The following MPV17 variants were observed in gnomAD, a reference collection of about 807,000 sequenced individuals.
The protein encoded by MPV17 is MPV17, mitochondrial inner membrane protein.
Under a neutral mutation model 28.6 loss-of-function variants are expected in MPV17, and 31 were observed. The observed-to-expected ratio is 1.08, with a 90% CI of 0.81 to 1.46. The LOEUF (loss-of-function observed/expected upper bound fraction) is 1.46. Ranked by LOEUF, MPV17 falls within the 40% of genes most tolerant of loss-of-function variation. The pLI is 0.00. For missense variants in MPV17, 198 were observed against 216.2 expected (o/e 0.92, Z 0.53); for synonymous variants, 87 against 85.3 (o/e 1.02, Z -0.11).
At chr2:27,322,117 G>A (rs551511454) in intron 2 of MPV17, 12 of 393,312 alleles carry the variant, frequency 3.1e-5, no homozygotes, top group East Asian at 1.0e-4. Context: ...ATGCCATAAC[G>A]TATATGAAAG....
intron 1 of MPV17, 113 bp from the exon 2 acceptor site, chr2:27,322,635 T>G: frequency 1.2e-6 from 1 of 850,680 alleles, no homozygotes; most frequent in South Asian, 1.4e-5. Flanking sequence ...CAATGTGACT[T>G]AAAGGGGCAG....
At chr2:27,312,375 C>CT in intron 5 of MPV17, 119 bp downstream of exon 5, 1 of 1,416,884 alleles carries the variant, frequency 7.1e-7, no homozygotes, top group African/African-American at 1.4e-5. Flanking sequence ...AGCTCCTCTC[C>CT]TCCATGGCCT....
At chr2:27,316,162 G>C (rs140901794) in intron 2 of MPV17, 2 of 1,551,134 alleles carry the variant, frequency 1.3e-6, no homozygotes, top group Admixed American at 3.9e-5. Flanking sequence ...TTGTCACCTC[G>C]TGGGGATGGC....
chr2:27,311,864 T>G (rs1182122797), intron 7 of MPV17, 35 bp downstream of exon 7: 1 of 1,611,358 alleles, frequency 6.2e-7, no homozygotes. Flanking sequence ...GTAACGTGGG[T>G]CTTCCTTGAT....
intron 2 of MPV17, chr2:27,313,378 CAGAA>C (rs1437626265): frequency 4.5e-6 from 3 of 662,308 alleles, no homozygotes; most frequent in Non-Finnish European, 7.6e-6. Flanking sequence ...AAGTCAGAGT[CAGAA>C]AGTATAGAGA....
intron 2 of MPV17, among the ~76,000 whole-genome samples, chr2:27,321,219 G>A (rs1679848044): frequency 6.6e-6 from 1 of 152,192 alleles, no homozygotes; most frequent in East Asian, 1.9e-4. Flanking sequence ...CTGGGCAAAG[G>A]GCCCAGCGTG....
chr2:27,319,653 A>C (rs559666949), intron 2 of MPV17, among the ~76,000 whole-genome samples: 4 of 151,648 alleles, frequency 2.6e-5, no homozygotes, highest in Non-Finnish European at 5.9e-5. Context: ...GGTGGGGCCT[A>C]CTGGATCACA....
At chr2:27,310,948 T>C (rs757773036) in intron 7 of MPV17, 2 of 151,380 alleles carry the variant, frequency 1.3e-5, no homozygotes, top group Non-Finnish European at 2.9e-5. Flanking sequence ...TTTCAACATA[T>C]TGGCCAGGCT....
At position 27,317,015 on chromosome 2, in the gene MPV17, A is replaced by T. The variant is rs1447239506; in HGVS notation, c.71-3906T>A. 6.9e-7 allele frequency: 1 copy of T among 1,442,972 alleles called. No homozygotes were observed. The highest frequency in any genetic ancestry group is 9.3e-7 in the Non-Finnish European group (1 of 1,073,376). The allele number at this position is 1,442,972 out of a possible 1,614,324, so 89.4% of individuals were successfully genotyped here. ...CTAGTGGAAAAGCCCCAACTTCCAC[A>T]CCCTCTTCCCGGGCATGGGCAGGGT... On this transcript the variant is annotated intron_variant, in intron 2 of 7. Transcript: ENST00000380044. The surrounding 1 kb of genome is among the most constrained non-coding windows in gnomAD (Gnocchi z 4.0).
At chr2:27,316,974 G>A (rs1410615286) in intron 2 of MPV17, 7 of 1,133,702 alleles carry the variant, frequency 6.2e-6, no homozygotes, top group Non-Finnish European at 7.5e-6. Context: ...ATCAATTTGG[G>A]ACCACTTCCT....
chr2:27,322,301 C>T, intron 2 of MPV17, 147 bp downstream of exon 2: 1 of 783,350 alleles, frequency 1.3e-6, no homozygotes, highest in Non-Finnish European at 2.2e-6. Flanking sequence ...CCCTCCAAAA[C>T]AGACTGGGGA....
At chr2:27,321,261 T>C (rs1679849593) in intron 2 of MPV17, among the ~76,000 whole-genome samples, 1 of 152,206 alleles carries the variant, frequency 6.6e-6, no homozygotes, top group South Asian at 2.1e-4. Flanking sequence ...CTGTCCAGCA[T>C]GAGTCACCAC....
chr2:27,322,929 G>A (rs1175088897), intron 1 of MPV17, 123 bp downstream of exon 1: 2 of 291,178 alleles, frequency 6.9e-6, no homozygotes, highest in Non-Finnish European at 1.3e-5. Flanking sequence ...TAACCTTCCT[G>A]AGTCCAGCTC....
chr2:27,316,320 C>T, intron 2 of MPV17: 1 of 1,089,022 alleles, frequency 9.2e-7, no homozygotes, highest in Non-Finnish European at 1.3e-6. Flanking sequence ...AAGCCTGCAG[C>T]CTTGGAGAAA....
In MPV17 at chr2:27,311,601, C is replaced by T. The variant is rs747604257; in HGVS notation, c.461+298G>A. The T allele has an allele frequency of 8.0e-5, 124 of 1,550,464 alleles. 1 individual carries two copies. In the South Asian group the frequency reaches 1.4e-3, roughly 18 times the overall value. On this transcript the variant is annotated intron_variant, in intron 7 of 7. Coordinates refer to ENST00000380044, the MANE Select transcript of MPV17 (RefSeq NM_002437.5). ...CTAACCTAGGCTGCAGCACCCCAGC[C>T]ACTGTCCCTCCAGATATGCCATCAA...
chr2:27,316,638 A>T (rs533215584), intron 2 of MPV17, among the ~76,000 whole-genome samples: 5 of 152,314 alleles, frequency 3.3e-5, no homozygotes, highest in African/African-American at 1.2e-4. Context: ...CCAGAGCCCA[A>T]ATAGACCCAA....
chr2:27,314,431 T>C (rs953268626), intron 2 of MPV17, among the ~76,000 whole-genome samples: 1 of 152,180 alleles, frequency 6.6e-6, no homozygotes, highest in African/African-American at 2.4e-5. Context: ...GGCCACCTCT[T>C]AGCACAATCA....
rs1679679718 is a variant in MPV17 at position 27,317,020 on chromosome 2, C to G, written c.71-3911G>C. Reference sequence around the variant, plus strand: ...GGAAAAGCCCCAACTTCCACACCCTCTTCCCGGGCATGGGCAGGGTAAATT... The same window carrying G: ...GGAAAAGCCCCAACTTCCACACCCTGTTCCCGGGCATGGGCAGGGTAAATT... On this transcript the variant is annotated intron_variant, in intron 2 of 7. Transcript: ENST00000380044. The surrounding 1 kb of genome is among the most constrained non-coding windows in gnomAD (Gnocchi z 4.0). 2.2e-5 allele frequency: 32 copies of G among 1,465,676 alleles called. No homozygotes were observed. The South Asian group carries it at 3.9e-4, about 18-fold the overall frequency. 90.8% of individuals were successfully genotyped at this position (1,465,676 alleles called of 1,614,324 possible).
intron 6 of MPV17, 85 bp downstream of exon 6, chr2:27,312,129 C>G: frequency 6.6e-7 from 1 of 1,517,666 alleles, no homozygotes; most frequent in African/African-American, 1.4e-5. Flanking sequence ...GGAAGGGTTT[C>G]CCATGTCAGG....
Sources: gnomAD v4.1 joint callset for allele counts (sites outside exome capture counted in the v4.1 genomes callset) on GRCh38, gnomAD v4.1.1 for gene constraint, Gnocchi (gnomAD v3.1) non-coding constraint, MANE v1.5 for transcripts, NCBI Gene and HGNC (gene_info 2026-07-23, HGNC 2026-07-21) for gene names.